Variants in GAB2 observed in about 807,000 individuals in gnomAD.
GAB2 encodes the protein GRB2 associated binding protein 2, also known as GRB2-associated-binding protein 2.
Under a neutral mutation model 65.5 loss-of-function variants are expected in GAB2, and 26 were observed. The observed-to-expected ratio is 0.40, with a 90% CI of 0.29 to 0.55. The LOEUF is 0.55. Among genes scored for constraint, GAB2 ranks in the 20% least tolerant of loss-of-function variants. The pLI is 0.53. For missense variants in GAB2, 884 were observed against 875.8 expected, an observed-to-expected ratio of 1.01 and a Z score of -0.12; for synonymous variants, 321 against 329.6, an observed-to-expected ratio of 0.97 and a Z score of 0.28.
intron 3 of GAB2, among the ~76,000 whole-genome samples, chr11:78,243,334 G>C (rs978052678): frequency 1.3e-5 from 2 of 152,130 alleles, no homozygotes; most frequent in African/African-American, 4.8e-5. Flanking sequence ...CAGGAGTGGT[G>C]GTGGGCGCCT....
chr11:78,315,992 G>A (rs147912491), intron 1 of GAB2, among the ~76,000 whole-genome samples: 121 of 152,228 alleles, frequency 7.9e-4, no homozygotes, highest in Admixed American at 2.4e-3. Flanking sequence ...GAAGAAGGTG[G>A]AATAAGCTTG....
At chr11:78,274,598 C>T (rs775498752) in intron 2 of GAB2, among the ~76,000 whole-genome samples, 2 of 152,206 alleles carry the variant, frequency 1.3e-5, no homozygotes, top group African/African-American at 4.8e-5. Flanking sequence ...GTGACCTGCT[C>T]ATGTAATCAG....
At chr11:78,396,895 C>T (rs1286359591) in intron 1 of GAB2, among the ~76,000 whole-genome samples, 1 of 152,154 alleles carries the variant, frequency 6.6e-6, no homozygotes, top group East Asian at 1.9e-4. Context: ...CTGCACCCGG[C>T]CAGGGAAATA....
At chr11:78,417,580 C>T (rs2135108231) in intron 1 of GAB2, 66 bp downstream of exon 1, 2 of 832,360 alleles carry the variant, frequency 2.4e-6, no homozygotes, top group Non-Finnish European at 3.1e-6. Flanking sequence ...CTCCGGGAGT[C>T]CCCCGCCCCT....
intron 2 of GAB2, among the ~76,000 whole-genome samples, chr11:78,277,160 C>T (rs1866194874): frequency 6.6e-6 from 1 of 152,124 alleles, no homozygotes; most frequent in Non-Finnish European, 1.5e-5. Context: ...GTAATTTTTG[C>T]CACATCTCAA....
intron 1 of GAB2, among the ~76,000 whole-genome samples, chr11:78,376,534 TTCA>T (rs1241375110): frequency 6.6e-6 from 1 of 152,256 alleles, no homozygotes; most frequent in African/African-American, 2.4e-5. Context: ...CTACAGCTTT[TTCA>T]TCTTTTAAGT....
chr11:78,292,029 T>TGTGAGAGA lies in GAB2; in HGVS notation c.76-11129_76-11128insTCTCTCAC, dbSNP rs10577079. The stretch of plus-strand genomic sequence containing the variant: ...GTGTGTGTGTGTGTGTGTGTGTGTG[T>TGTGAGAGA]GAGAGAGAGAGAGTCAGTCTTTGTT... On this transcript the variant is annotated intron_variant, in intron 1 of 9. Transcript: ENST00000361507. Among the ~76,000 whole-genome samples, 108 of 106,000 alleles carry TGTGAGAGA rather than the reference T, an allele frequency of 1.0e-3. 1 individual carries two copies. The highest frequency in any genetic ancestry group is 2.6e-3 in the African/African-American group (93 of 35,444). 69.5% of individuals were successfully genotyped at this position (106,000 alleles called of 152,430 possible).
intron 1 of GAB2, among the ~76,000 whole-genome samples, chr11:78,416,957 G>C (rs1026642616): frequency 6.6e-6 from 1 of 152,134 alleles, no homozygotes; most frequent in Non-Finnish European, 1.5e-5. Context: ...CCAGACACCC[G>C]GGAGCTGCCC....
At chr11:78,300,842 C>CT (rs2134625452) in intron 1 of GAB2, among the ~76,000 whole-genome samples, 1 of 151,822 alleles carries the variant, frequency 6.6e-6, no homozygotes, top group Non-Finnish European at 1.5e-5. Flanking sequence ...CTATAGGTAC[C>CT]TGCCACCATG....
At chr11:78,401,782 C>T (rs1856976838) in intron 1 of GAB2, among the ~76,000 whole-genome samples, 1 of 152,006 alleles carries the variant, frequency 6.6e-6, no homozygotes, top group African/African-American at 2.4e-5. Context: ...GAGTTGCTTC[C>T]AAATGAGAAG....
At chr11:78,344,643 AACCTAAGATATTTCATAG>A (rs1225798043) in intron 1 of GAB2, among the ~76,000 whole-genome samples, 1 of 152,224 alleles carries the variant, frequency 6.6e-6, no homozygotes, top group Middle Eastern at 3.2e-3. Context: ...TCACAAACAA[AACCTAAGATATTTCATAG>A]ATCTAACTGT....
chr11:78,285,712 C>T (rs1234976627), intron 1 of GAB2, among the ~76,000 whole-genome samples: 2 of 152,150 alleles, frequency 1.3e-5, no homozygotes, highest in Admixed American at 1.3e-4. Flanking sequence ...ATTGATCCAC[C>T]CACCTCAGCC....
intron 1 of GAB2, among the ~76,000 whole-genome samples, chr11:78,283,062 T>A (rs1866375022): frequency 6.6e-6 from 1 of 152,202 alleles, no homozygotes. Flanking sequence ...AAGTGGCCCC[T>A]CATGTTGCCC....
intron 1 of GAB2, among the ~76,000 whole-genome samples, chr11:78,361,906 A>G (rs898948009): frequency 2.0e-5 from 3 of 152,188 alleles, no homozygotes; most frequent in Admixed American, 6.5e-5. Context: ...ACATATGTGC[A>G]TTTTGGGATC....
intron 1 of GAB2, among the ~76,000 whole-genome samples, chr11:78,300,397 A>C (rs1866962573): frequency 1.3e-5 from 2 of 151,968 alleles, no homozygotes; most frequent in Non-Finnish European, 2.9e-5. Flanking sequence ...CATTATGAAC[A>C]AAATAGCTAT....
At chr11:78,274,641 C>T (rs985514045) in intron 2 of GAB2, among the ~76,000 whole-genome samples, 1 of 152,158 alleles carries the variant, frequency 6.6e-6, no homozygotes, top group African/African-American at 2.4e-5. Flanking sequence ...TCCTTGTCCC[C>T]AGTGTACAGA....
chr11:78,397,452 C>T (rs1483580706), intron 1 of GAB2, among the ~76,000 whole-genome samples: 5 of 152,176 alleles, frequency 3.3e-5, no homozygotes, highest in Admixed American at 2.0e-4. Context: ...TAAGGCCTGA[C>T]GGTGACACAG....
intron 1 of GAB2, among the ~76,000 whole-genome samples, chr11:78,338,722 G>A (rs182788302): frequency 6.8e-4 from 104 of 152,288 alleles, no homozygotes; most frequent in Non-Finnish European, 1.2e-3. Context: ...GACCAGTACT[G>A]TGGTTGTTCT....
At chr11:78,370,712 C>CCTGTGTGTATATGTGTGTGT (rs58668713) in intron 1 of GAB2, among the ~76,000 whole-genome samples, 1 of 123,318 alleles carries the variant, frequency 8.1e-6, no homozygotes, top group African/African-American at 2.9e-5. Context: ...TGTGTGTGTG[C>CCTGTGTGTATATGTGTGTGT]GTGTGTGTGT....
Sources: gnomAD v4.1 joint callset for allele counts (sites outside exome capture counted in the v4.1 genomes callset) on GRCh38, gnomAD v4.1.1 for gene constraint, MANE v1.5 for transcripts, NCBI Gene and HGNC (gene_info 2026-07-23, HGNC 2026-07-21) for gene names.